Variants in SLC24A2 observed in about 807,000 individuals in gnomAD.
The protein encoded by SLC24A2 is solute carrier family 24 member 2.
Under a neutral mutation model 62.0 loss-of-function variants are expected in SLC24A2, and 36 were observed. The ratio of observed to expected loss-of-function variants is 0.58; its 90% CI spans 0.44 to 0.77. The LOEUF (loss-of-function observed/expected upper bound fraction) is 0.77. SLC24A2 is among the 30% of genes least tolerant of loss of function. SLC24A2 has a pLI of 0.00. For missense variants in SLC24A2, 846 were observed against 817.9 expected, an observed-to-expected ratio of 1.03 and a Z score of -0.42; for synonymous variants, 358 against 294.0, an observed-to-expected ratio of 1.22 and a Z score of -2.23.
the SLC24A2 span, among the ~76,000 whole-genome samples, chr9:19,904,681 T>C: frequency 1.3e-5 from 2 of 152,202 alleles, no homozygotes; most frequent in Non-Finnish European, 2.9e-5. Flanking sequence ...GAATGCTGCA[T>C]ACATTGTATG....
the SLC24A2 span, among the ~76,000 whole-genome samples, chr9:20,206,492 ATAT>A: frequency 6.6e-6 from 1 of 152,122 alleles, no homozygotes; most frequent in Non-Finnish European, 1.5e-5. Flanking sequence ...TATTATTATT[ATAT>A]TATTATTATT....
chr9:19,781,708 C>T (rs1823026052), intron 2 of SLC24A2, among the ~76,000 whole-genome samples: 1 of 152,132 alleles, frequency 6.6e-6, no homozygotes, highest in Non-Finnish European at 1.5e-5. Flanking sequence ...TTAAGAAATA[C>T]AGAGAATTAG....
chr9:19,959,121 T>C, the SLC24A2 span, among the ~76,000 whole-genome samples: 1 of 151,944 alleles, frequency 6.6e-6, no homozygotes, highest in Admixed American at 6.6e-5. Context: ...GAACAAGATG[T>C]GAGTACCGTA....
At chr9:19,788,855 G>A (rs1564102978) in intron 1 of SLC24A2, 30 bp downstream of exon 1, 2 of 985,332 alleles carry the variant, frequency 2.0e-6, no homozygotes, top group African/African-American at 1.7e-5. Context: ...CGGCTACAGC[G>A]GCAGGCGGGG....
At chr9:19,862,749 G>T in the SLC24A2 span, among the ~76,000 whole-genome samples, 1 of 152,042 alleles carries the variant, frequency 6.6e-6, no homozygotes, top group Non-Finnish European at 1.5e-5. Flanking sequence ...TGTGCAAACG[G>T]TGTTAAGTTG....
chr9:19,827,169 G>C, the SLC24A2 span, among the ~76,000 whole-genome samples: 1 of 152,120 alleles, frequency 6.6e-6, no homozygotes, highest in South Asian at 2.1e-4. Context: ...GCTGAGAGGA[G>C]TCATGTGGGT....
chr9:19,552,375 G>T (rs894383577), intron 7 of SLC24A2, among the ~76,000 whole-genome samples: 1 of 152,206 alleles, frequency 6.6e-6, no homozygotes, highest in African/African-American at 2.4e-5. Flanking sequence ...TTTCCTGTCT[G>T]TTCCCTCCCA....
intron 2 of SLC24A2, among the ~76,000 whole-genome samples, chr9:19,677,509 A>AATCTG (rs1315923429): frequency 6.6e-5 from 10 of 152,346 alleles, no homozygotes; most frequent in African/African-American, 2.4e-4. Context: ...GTGATGAAAT[A>AATCTG]ATCTGCACAA....
chr9:20,124,806 C>A, the SLC24A2 span, among the ~76,000 whole-genome samples: 7 of 152,164 alleles, frequency 4.6e-5, no homozygotes, highest in African/African-American at 1.7e-4. Context: ...TAAGTATAAT[C>A]AACAGAGGCT....
chr9:20,147,720 G>T, the SLC24A2 span, among the ~76,000 whole-genome samples: 1 of 151,486 alleles, frequency 6.6e-6, no homozygotes, highest in Non-Finnish European at 1.5e-5. Context: ...TTCAGAGGAT[G>T]GCCCGTGGTC....
chr9:20,146,031 A>G, the SLC24A2 span, among the ~76,000 whole-genome samples: 1 of 152,074 alleles, frequency 6.6e-6, no homozygotes, highest in Non-Finnish European at 1.5e-5. Context: ...TATTTACCCA[A>G]TCCCCCAACT....
the SLC24A2 span, among the ~76,000 whole-genome samples, chr9:20,022,617 C>T: frequency 6.6e-6 from 1 of 152,190 alleles, no homozygotes; most frequent in Non-Finnish European, 1.5e-5. Context: ...ATCATGATGA[C>T]TAAGTTATAT....
At chr9:19,734,981 A>G (rs1821461560) in intron 2 of SLC24A2, among the ~76,000 whole-genome samples, 1 of 152,110 alleles carries the variant, frequency 6.6e-6, no homozygotes, top group African/African-American at 2.4e-5. Flanking sequence ...CACCAAAAGC[A>G]ATGGCAACAA....
intron 2 of SLC24A2, among the ~76,000 whole-genome samples, chr9:19,740,857 A>G (rs1047691543): frequency 3.7e-5 from 5 of 136,026 alleles, no homozygotes; most frequent in Non-Finnish European, 7.9e-5. Flanking sequence ...GAAATTTTCC[A>G]TTATAAAAAG....
chr9:19,688,851 A>C lies in SLC24A2; in HGVS notation c.931-66552T>G, dbSNP rs1161921470. On this transcript the variant is annotated intron_variant, in intron 2 of 10. Coordinates refer to ENST00000341998, the MANE Select transcript of SLC24A2 (RefSeq NM_020344.4). ...GAGATACCAGAATTTAAATTCTTTT[A>C]GTCTGTTACTTGAATAAATACAGTC... Among the ~76,000 whole-genome samples, 5 of 152,246 alleles carry C rather than the reference A, an allele frequency of 3.3e-5. No individual in the cohort carries two copies. The East Asian group carries it at 9.7e-4, about 29-fold the overall frequency.
the SLC24A2 span, among the ~76,000 whole-genome samples, chr9:20,284,509 C>T: frequency 6.9e-6 from 1 of 144,262 alleles, no homozygotes; most frequent in African/African-American, 2.7e-5. Flanking sequence ...CTCATTTAGC[C>T]ATGTCAATAA....
At chr9:19,760,211 C>G (rs1156672830) in intron 2 of SLC24A2, among the ~76,000 whole-genome samples, 1 of 152,010 alleles carries the variant, frequency 6.6e-6, no homozygotes, top group Non-Finnish European at 1.5e-5. Flanking sequence ...AAAATGTGGG[C>G]ACTTGTCAGG....
At chr9:20,053,546 G>A in the SLC24A2 span, among the ~76,000 whole-genome samples, 1 of 152,118 alleles carries the variant, frequency 6.6e-6, no homozygotes, top group South Asian at 2.1e-4. Flanking sequence ...AAATTCATAT[G>A]TTGAAACCAA....
the SLC24A2 span, among the ~76,000 whole-genome samples, chr9:20,243,101 A>C: frequency 6.6e-6 from 1 of 152,232 alleles, no homozygotes; most frequent in Non-Finnish European, 1.5e-5. Context: ...CCTTGGTTAC[A>C]GACGAAAGGA....
Sources: gnomAD v4.1 joint callset for allele counts (sites outside exome capture counted in the v4.1 genomes callset) on GRCh38, gnomAD v4.1.1 for gene constraint, MANE v1.5 for transcripts, NCBI Gene and HGNC (gene_info 2026-07-23, HGNC 2026-07-21) for gene names.